The following FBXL13 variants were observed in gnomAD, a reference collection of about 807,000 sequenced individuals.
FBXL13 encodes the protein F-box and leucine-rich repeat protein 13.
In FBXL13, 67 loss-of-function variants were observed where a neutral mutation model predicts 83.6. That is an observed-to-expected ratio of 0.80 (90% confidence interval 0.66 to 0.98). The LOEUF (loss-of-function observed/expected upper bound fraction) is 0.98, where lower values mean the gene tolerates loss of function less well. Among genes scored for constraint, FBXL13 ranks in the 50% least tolerant of loss-of-function variants. FBXL13 has a pLI of 0.00. For missense variants in FBXL13, 822 were observed against 866.5 expected (o/e 0.95, Z 0.64); for synonymous variants, 272 against 299.5 (o/e 0.91, Z 0.95).
At chr7:102,824,338 C>CA (rs570241410) in intron 18 of FBXL13, among the ~76,000 whole-genome samples, 1 of 151,708 alleles carries the variant, frequency 6.6e-6, no homozygotes, top group Admixed American at 6.6e-5. Flanking sequence ...AGCACATTGC[C>CA]AAAAAAATAG....
At chr7:102,986,499 G>A (rs1410637989) in intron 6 of FBXL13, among the ~76,000 whole-genome samples, 1 of 152,132 alleles carries the variant, frequency 6.6e-6, no homozygotes, top group African/African-American at 2.4e-5. Flanking sequence ...AAATCATGGA[G>A]TCTCCCGCCT....
At chr7:102,949,171 A>G (rs889455705) in intron 8 of FBXL13, among the ~76,000 whole-genome samples, 1 of 152,214 alleles carries the variant, frequency 6.6e-6, no homozygotes, top group African/African-American at 2.4e-5. Flanking sequence ...AAATGTGTGT[A>G]ATTCTTGACA....
In FBXL13 at chr7:102,864,035, C is replaced by T. The variant is rs181595804; in HGVS notation, c.1636-9175G>A. Among the ~76,000 whole-genome samples, 16 of 152,306 alleles carry T rather than the reference C, an allele frequency of 1.1e-4. No individual in the cohort carries two copies. In the East Asian group the frequency reaches 1.7e-3, roughly 17 times the overall value. ...TTCAATAGATCATCCACACTGCCAC[C>T]AGAGTTATGTTTCTTGTGCACAAAT... On this transcript the variant is annotated intron_variant, in intron 16 of 19. Coordinates refer to ENST00000313221, the Ensembl canonical transcript of FBXL13.
At chr7:102,834,032 TGAAGGAAGGAAGGAAGGAAGGAAGGAAG>T (rs199540401) in intron 17 of FBXL13, among the ~76,000 whole-genome samples, 1 of 75,470 alleles carries the variant, frequency 1.3e-5, no homozygotes, top group African/African-American at 6.0e-5. Context: ...GAAACCATGA[TGAAGGAAGGAAGGAAGGAAGGAAGGAAG>T]GAAGGAAGGA....
At chr7:103,059,139 G>T (rs147311921) in intron 1 of FBXL13, among the ~76,000 whole-genome samples, 1 of 152,054 alleles carries the variant, frequency 6.6e-6, no homozygotes. Context: ...GCATGGTGGC[G>T]TGTGCCTGTA....
intron 11 of FBXL13, among the ~76,000 whole-genome samples, chr7:102,907,720 T>C (rs974214322): frequency 7.2e-5 from 11 of 152,330 alleles, no homozygotes; most frequent in South Asian, 2.1e-4. Flanking sequence ...CAGTCTATCA[T>C]TGATGGACAT....
intron 6 of FBXL13, among the ~76,000 whole-genome samples, chr7:102,999,717 C>T (rs1439400569): frequency 6.6e-6 from 1 of 151,978 alleles, no homozygotes; most frequent in East Asian, 1.9e-4. Flanking sequence ...TCACAATACT[C>T]TCTAATGATC....
At chr7:102,986,101 C>T (rs1828922995) in intron 6 of FBXL13, among the ~76,000 whole-genome samples, 1 of 151,504 alleles carries the variant, frequency 6.6e-6, no homozygotes, top group Non-Finnish European at 1.5e-5. Context: ...TGCCTGTCCT[C>T]TTTATTTAGG....
At chr7:102,848,908 G>A (rs929308167) in intron 17 of FBXL13, among the ~76,000 whole-genome samples, 1 of 152,104 alleles carries the variant, frequency 6.6e-6, no homozygotes, top group African/African-American at 2.4e-5. Flanking sequence ...GCTGAGGCAG[G>A]GGAATCACTT....
At chr7:102,844,686 A>G (rs1346473596) in intron 17 of FBXL13, among the ~76,000 whole-genome samples, 2 of 152,176 alleles carry the variant, frequency 1.3e-5, no homozygotes, top group African/African-American at 2.4e-5. Context: ...TGTGACACCA[A>G]CTGGATGTTC....
At chr7:103,055,329 CT>C (rs2129496308) in intron 2 of FBXL13, among the ~76,000 whole-genome samples, 151 bp from the exon 3 acceptor site, 1 of 152,292 alleles carries the variant, frequency 6.6e-6, no homozygotes, top group South Asian at 2.1e-4. Flanking sequence ...ACCTGGAGGA[CT>C]TTTTCAAACT....
intron 11 of FBXL13, among the ~76,000 whole-genome samples, chr7:102,909,136 G>A (rs1814241361): frequency 6.6e-6 from 1 of 152,164 alleles, no homozygotes; most frequent in Non-Finnish European, 1.5e-5. Context: ...CCACTCTTCT[G>A]CCCCTTTCCA....
At chr7:103,041,198 C>T (rs907303534) in intron 2 of FBXL13, among the ~76,000 whole-genome samples, 16 of 152,128 alleles carry the variant, frequency 1.1e-4, no homozygotes, top group African/African-American at 3.9e-4. Context: ...CTGTAAACAC[C>T]TCTATGCAAA....
At chr7:102,949,299 G>T (rs1223343712) in intron 8 of FBXL13, among the ~76,000 whole-genome samples, 2 of 152,044 alleles carry the variant, frequency 1.3e-5, no homozygotes, top group South Asian at 2.1e-4. Context: ...AATTTCAAGG[G>T]TACATGTATA....
intron 8 of FBXL13, among the ~76,000 whole-genome samples, chr7:102,954,227 A>G (rs1296828082): frequency 3.3e-5 from 5 of 152,168 alleles, no homozygotes; most frequent in African/African-American, 1.2e-4. Flanking sequence ...TGCTGCCCAA[A>G]TACTGCACTT....
chr7:102,868,145 C>A (rs1332380388), intron 16 of FBXL13, among the ~76,000 whole-genome samples: 2 of 152,118 alleles, frequency 1.3e-5, no homozygotes, highest in African/African-American at 4.8e-5. Flanking sequence ...TTGATCATTT[C>A]TTTGTGGTGA....
intron 8 of FBXL13, among the ~76,000 whole-genome samples, chr7:102,937,775 C>G (rs1001767430): frequency 6.6e-6 from 1 of 152,074 alleles, no homozygotes; most frequent in Non-Finnish European, 1.5e-5. Flanking sequence ...TTTAAGCAAC[C>G]ATTGAAAGTG....
chr7:103,004,511 G>C (rs762277724), intron 6 of FBXL13, among the ~76,000 whole-genome samples: 3 of 152,112 alleles, frequency 2.0e-5, no homozygotes, highest in Non-Finnish European at 2.9e-5. Context: ...CAAGGGCTGG[G>C]GTTGCTCTTT....
At chr7:103,021,462 C>T (rs1247582611) in intron 6 of FBXL13, among the ~76,000 whole-genome samples, 1 of 152,062 alleles carries the variant, frequency 6.6e-6, no homozygotes, top group Non-Finnish European at 1.5e-5. Flanking sequence ...GCAATGACAC[C>T]AAAAGCCAAA....
Sources: gnomAD v4.1 joint callset for allele counts (sites outside exome capture counted in the v4.1 genomes callset) on GRCh38, gnomAD v4.1.1 for gene constraint, MANE v1.5 for transcripts, NCBI Gene and HGNC (gene_info 2026-07-23, HGNC 2026-07-21) for gene names.